CENPU: variants seen among roughly 807,000 people sequenced by gnomAD.
CENPU encodes the protein centromere protein U.
Under a neutral mutation model 56.7 loss-of-function variants are expected in CENPU, and 46 were observed. The observed-to-expected ratio is 0.81, with a 90% CI of 0.64 to 1.04. The LOEUF is 1.04. Ranked by LOEUF, CENPU falls within the 50% of genes least tolerant of loss-of-function variation. The pLI, the probability that CENPU is intolerant of heterozygous loss-of-function variation, is 0.00. For missense variants in CENPU, 510 were observed against 490.1 expected (o/e 1.04, Z -0.38); for synonymous variants, 166 against 163.0 (o/e 1.02, Z -0.14).
In CENPU at chr4:184,699,947, GT is replaced by G. The variant is rs948105637; in HGVS notation, c.986+872del. On this transcript the variant is annotated intron_variant, in intron 11 of 12. Transcript: ENST00000281453. ...GCTGGGATTACAGGCGTGAGCCACC[GT>G]GCCCGGCCTAGCAGCCTCTTTTTTA... Among the ~76,000 whole-genome samples, 384 of 152,296 alleles carry G rather than the reference GT, an allele frequency of 2.5e-3. 5 individuals are homozygous for G. The highest frequency in any genetic ancestry group is 7.6e-3 in the African/African-American group (314 of 41,566).
chr4:184,706,147 C>T (rs1029671825), intron 8 of CENPU, among the ~76,000 whole-genome samples: 6 of 145,558 alleles, frequency 4.1e-5, no homozygotes, highest in Admixed American at 1.3e-4. Flanking sequence ...ATAAGCCCCA[C>T]TTTAAAAAAA....
chr4:184,733,372 T>G (rs1049711673), intron 1 of CENPU: 13 of 989,772 alleles, frequency 1.3e-5, no homozygotes, highest in Non-Finnish European at 1.4e-5. Flanking sequence ...TATGGCTTTG[T>G]GCACCGTCTG....
Position 184,731,271 on chromosome 4 carries a change from C to T in CENPU, c.48-303G>A, listed in dbSNP as rs191880761. ...GGGGAGGTAGGCTAACGCTAAGCCC[C>T]GACACCTGCTCCATCCGGTGCCTGG... is the stretch of plus-strand genomic sequence containing the variant. On this transcript the variant is annotated intron_variant, in intron 1 of 12. Coordinates refer to ENST00000281453, the MANE Select transcript of CENPU (RefSeq NM_024629.4). Among the ~76,000 whole-genome samples, 25 of 152,274 alleles carry T rather than the reference C, an allele frequency of 1.6e-4. No individual in the cohort carries two copies. In the East Asian group the frequency reaches 3.7e-3, roughly 22 times the overall value.
chr4:184,732,471 T>C (rs560521302), intron 1 of CENPU, among the ~76,000 whole-genome samples: 1 of 152,340 alleles, frequency 6.6e-6, no homozygotes, highest in South Asian at 2.1e-4. Flanking sequence ...GTATTGGTTT[T>C]ATGGCAATTT....
At chr4:184,733,542 G>A (rs1761732420) in intron 1 of CENPU, 1 of 373,776 alleles carries the variant, frequency 2.7e-6, no homozygotes. Context: ...AGAACCGCAA[G>A]CGGCAGCTCG....
chr4:184,722,989 G>A (rs6552810), intron 4 of CENPU, among the ~76,000 whole-genome samples: 27,129 of 152,086 alleles, frequency 0.18, 2,721 homozygotes, highest in African/African-American at 0.26. Context: ...GGACAAACAC[G>A]TTTCATTTGA....
chr4:184,700,472 T>C (rs1760496614), intron 11 of CENPU, among the ~76,000 whole-genome samples: 1 of 152,152 alleles, frequency 6.6e-6, no homozygotes, highest in South Asian at 2.1e-4. Context: ...AATAACTTGG[T>C]CAATGTTGCG....
intron 4 of CENPU, among the ~76,000 whole-genome samples, chr4:184,717,529 T>C (rs1761134176): frequency 6.6e-6 from 1 of 152,198 alleles, no homozygotes; most frequent in Non-Finnish European, 1.5e-5. Context: ...GGCCCATCCT[T>C]AGGTGACAGA....
intron 11 of CENPU, among the ~76,000 whole-genome samples, chr4:184,699,053 C>T (rs543025885): frequency 2.0e-5 from 3 of 152,160 alleles, no homozygotes; most frequent in East Asian, 1.9e-4. Flanking sequence ...TCAGGCTGGG[C>T]GCGGTGGCTC....
intron 8 of CENPU, among the ~76,000 whole-genome samples, chr4:184,707,413 A>C (rs1222479070): frequency 2.0e-5 from 3 of 152,076 alleles, no homozygotes; most frequent in African/African-American, 7.2e-5. Context: ...TGTGTCCTCA[A>C]GACTGAAACT....
chr4:184,732,026 A>G (rs1291172483), intron 1 of CENPU, among the ~76,000 whole-genome samples: 1 of 152,134 alleles, frequency 6.6e-6, no homozygotes, highest in Non-Finnish European at 1.5e-5. Flanking sequence ...CACTGATACC[A>G]TAATCTAATC....
At position 184,716,408 on chromosome 4, in the gene CENPU, C is replaced by G; in HGVS notation, c.607G>C (p.Glu203Gln). The G allele has an allele frequency of 7.4e-6, 12 of 1,613,356 alleles. No individual in the cohort carries two copies. The highest frequency in any genetic ancestry group is 1.3e-5 in the African/African-American group (1 of 74,970). Residue 203 changes from glutamate to glutamine, a missense_variant, in exon 6 of 13, where the codon GAA (glutamate) becomes CAA (glutamine). Physicochemically the swap from Glu to Gln is conservative, Grantham distance 29. Coordinates refer to ENST00000281453, the MANE Select transcript of CENPU (RefSeq NM_024629.4). ...PSVEKENLAI[E>Q]SQSKTQKKGK... ...GCAGACGTTCTTACCGATTGACTTT[C>G]TATTGCCAAGTTCTCTTTTTCAACA...
rs755812044 is a variant in CENPU at position 184,694,566 on chromosome 4, T to C, written c.*722A>G. The C allele has an allele frequency of 6.2e-7, 1 of 1,613,896 alleles. No individual in the cohort carries two copies. Among genetic ancestry groups the C allele is most frequent in the Non-Finnish European group, 8.5e-7 (1 of 1,179,924 alleles). On this transcript the variant is annotated 3_prime_UTR_variant, in exon 13 of 13. Transcript: ENST00000281453. ...ATGAAGCAGATGAAACTAGGAGCAA[T>C]GAAACCCAGAATCCTCATAAACCAT...
chr4:184,705,007 C>G (rs1471044558), intron 8 of CENPU, among the ~76,000 whole-genome samples: 1 of 152,204 alleles, frequency 6.6e-6, no homozygotes, highest in African/African-American at 2.4e-5. Flanking sequence ...CCGTGGAAAA[C>G]AGTCTCAGTC....
In CENPU at chr4:184,695,003, TA is replaced by T; in HGVS notation, c.*284del. On this transcript the variant is annotated 3_prime_UTR_variant, in exon 13 of 13. Transcript: ENST00000281453. ...AATCAAAATTATGTTCACATCAACT[TA>T]ATTTTACAAGTTTATTATAGCTCAT... 5.5e-6 allele frequency: 3 copies of T among 546,494 alleles called. No individual in the cohort carries two copies. Among genetic ancestry groups the T allele is most frequent in the Non-Finnish European group, 3.2e-6 (1 of 309,618 alleles). 33.9% of individuals were successfully genotyped at this position (546,494 alleles called of 1,614,324 possible).
At chr4:184,704,324 C>A (rs1760647671) in intron 8 of CENPU, among the ~76,000 whole-genome samples, 1 of 152,098 alleles carries the variant, frequency 6.6e-6, no homozygotes, top group African/African-American at 2.4e-5. Flanking sequence ...TTTTACTGTA[C>A]CTTTTCTATG....
chr4:184,730,948 G>A lies in CENPU; in HGVS notation c.68C>T (p.Thr23Ile), dbSNP rs773515123. The A allele has an allele frequency of 1.3e-6, 2 of 1,579,684 alleles. No individual in the cohort carries two copies. Among genetic ancestry groups the A allele is most frequent in the South Asian group, 1.2e-5 (1 of 83,728 alleles). ...RSEGARRSKN[T>I]LERTHSMKDK... is the part of the protein sequence containing the mutation. Reference sequence around the variant, plus strand: ...TTTCATGGAATGTGTTCTTTCTAAAGTGTTCTTTGAACGTCTTGCGCTATT... The same window carrying A: ...TTTCATGGAATGTGTTCTTTCTAAAATGTTCTTTGAACGTCTTGCGCTATT... Residue 23 changes from threonine to isoleucine, a missense_variant, in exon 2 of 13, where the codon ACT becomes ATT. Coordinates refer to ENST00000281453, the MANE Select transcript of CENPU (RefSeq NM_024629.4).
chr4:184,695,324 G>GATAT lies in CENPU; in HGVS notation c.1217_1220dup (p.Asn408TyrfsTer10). On this transcript the variant is annotated frameshift_variant, in exon 13 of 13. Coordinates refer to ENST00000281453, the MANE Select transcript of CENPU (RefSeq NM_024629.4). LOFTEE classifies it high-confidence loss of function. ...CAAGGAGCTTCTCTAACTGATGGTT[G>GATAT]ATATTTCGCAGATGGCTTTCGGCTC... The GATAT allele has an allele frequency of 1.2e-6, 2 of 1,613,468 alleles. No homozygotes were observed. Among genetic ancestry groups the GATAT allele is most frequent in the Non-Finnish European group, 1.7e-6 (2 of 1,179,486 alleles).
chr4:184,697,779 T>C lies in CENPU; in HGVS notation c.1011A>G (p.Leu337=). The C allele has an allele frequency of 6.2e-7, 1 of 1,608,878 alleles. No individual in the cohort carries two copies. The highest frequency in any genetic ancestry group is 1.3e-5 in the African/African-American group (1 of 74,586). The part of the protein sequence containing the change: ...LLRLEPQLKQ[L]QTKYDELKER... ...CTTTAAGTTCATCATATTTTGTTTGTAGTTGTTTCAGCTGTGGCTCTAACC... is the reference window on the plus strand; with the variant it reads ...CTTTAAGTTCATCATATTTTGTTTGCAGTTGTTTCAGCTGTGGCTCTAACC... The change falls in exon 12 of 13, where the codon CTA becomes CTG. Residue 337 remains leucine (L), a synonymous_variant. Coordinates refer to ENST00000281453, the MANE Select transcript of CENPU (RefSeq NM_024629.4).
Sources: gnomAD v4.1 joint callset for allele counts (sites outside exome capture counted in the v4.1 genomes callset) on GRCh38, gnomAD v4.1.1 for gene constraint, MANE v1.5 for transcripts, NCBI Gene and HGNC (gene_info 2026-07-23, HGNC 2026-07-21) for gene names.